The following LIFR variants were observed in gnomAD, a reference collection of about 807,000 sequenced individuals.
LIFR encodes leukemia inhibitory factor receptor.
LIFR carries 84 observed loss-of-function variants against 122.2 expected under a neutral mutation model. The ratio of observed to expected loss-of-function variants is 0.69; its 90% CI spans 0.58 to 0.82. The LOEUF (loss-of-function observed/expected upper bound fraction) is 0.82, where lower values mean the gene tolerates loss of function less well. Among genes scored for constraint, LIFR ranks in the 40% least tolerant of loss-of-function variants. The probability of loss-of-function intolerance (pLI) is 0.00; values close to 1 mark genes in which losing one functional copy is unlikely to be tolerated. For synonymous variants in LIFR, 422 were observed against 434.7 expected (o/e 0.97, Z 0.36); for missense variants, 1,294 against 1,311.6 (o/e 0.99, Z 0.21).
intron 2 of LIFR, among the ~76,000 whole-genome samples, chr5:38,603,144 C>G (rs984638956): frequency 6.6e-6 from 1 of 152,182 alleles, no homozygotes; most frequent in Non-Finnish European, 1.5e-5. Context: ...AAACACTGCA[C>G]TTGTTCTCCA....
At chr5:38,510,810 C>T in intron 6 of LIFR, 92 bp from the exon 7 acceptor site, 24 of 1,073,214 alleles carry the variant, frequency 2.2e-5, no homozygotes, top group Non-Finnish European at 3.3e-5. Flanking sequence ...CATAAGATGA[C>T]TTTTAAAATA....
intron 1 of LIFR, among the ~76,000 whole-genome samples, chr5:38,571,448 A>T (rs909380898): frequency 2.0e-5 from 3 of 149,960 alleles, no homozygotes; most frequent in Admixed American, 1.3e-4. Flanking sequence ...CCAGCTACTT[A>T]AGAGGCTGGG....
rs898958328 is a variant in LIFR, at chr5:38,483,457, C to T, written c.2592-790G>A. Among the ~76,000 whole-genome samples, 19 of 151,890 alleles carry T rather than the reference C, an allele frequency of 1.3e-4. 1 individual carries two copies. The highest frequency in any genetic ancestry group is 4.6e-4 in the African/African-American group (19 of 41,394). On this transcript the variant is annotated intron_variant, in intron 18 of 19. Transcript: ENST00000453190. ...GGTTTTTTTGAGACAGAGTCTTGCA[C>T]TGTTGCTAGGGTGGGGTGCAGTGGT...
At chr5:38,555,834 C>A (rs1385450897) in intron 1 of LIFR, among the ~76,000 whole-genome samples, 2 of 152,184 alleles carry the variant, frequency 1.3e-5, no homozygotes, top group African/African-American at 4.8e-5. Flanking sequence ...CACAACATAA[C>A]AGAAATGGCA....
chr5:38,526,583 T>C (rs1030005762), intron 4 of LIFR, among the ~76,000 whole-genome samples: 1 of 152,166 alleles, frequency 6.6e-6, no homozygotes, highest in Non-Finnish European at 1.5e-5. Flanking sequence ...TATACATGCA[T>C]TGCAGAGCTT....
rs1561128322 is a variant in LIFR, at chr5:38,482,229, AT to A, written c.2671-12del. ...AAGAGCACTGCTTCCCTAGAAATAA[AT>A]TTAAACACAGTGATTAAAAATAGCA... On this transcript the variant is annotated splice_polypyrimidine_tract_variant and intron_variant, in intron 19 of 19. Coordinates refer to ENST00000453190, the MANE Select transcript of LIFR (RefSeq NM_001127671.2). The A allele has an allele frequency of 6.2e-7, 1 of 1,601,966 alleles. No homozygotes were observed. Among genetic ancestry groups the A allele is most frequent in the Non-Finnish European group, 8.5e-7 (1 of 1,176,890 alleles).
At chr5:38,598,847 A>G (rs1750172172), upstream of LIFR, among the ~76,000 whole-genome samples, 2 of 152,226 alleles carry the variant, frequency 1.3e-5, no homozygotes, top group African/African-American at 4.8e-5. Flanking sequence ...GCAGGCTTCT[A>G]TGCCTAGCAC....
At chr5:38,585,176 G>T (rs1190510822) in intron 1 of LIFR, among the ~76,000 whole-genome samples, 4 of 152,126 alleles carry the variant, frequency 2.6e-5, no homozygotes, top group Non-Finnish European at 5.9e-5. Context: ...AATTTAAGTT[G>T]CGTGCTTTAG....
chr5:38,543,648 T>C lies in LIFR; in HGVS notation c.-20+12686A>G, dbSNP rs1313826780. ...AAGGTGTGTTCACTAAATGCACTTA[T>C]AATTTAAATGAAATAACCTGAATGT... is the stretch of plus-strand genomic sequence containing the variant. On this transcript the variant is annotated intron_variant, in intron 1 of 19. Coordinates refer to ENST00000453190, the MANE Select transcript of LIFR (RefSeq NM_001127671.2). Among the ~76,000 whole-genome samples, 5 of 152,358 alleles carry C rather than the reference T, an allele frequency of 3.3e-5. No homozygotes were observed. In the East Asian group the frequency reaches 7.7e-4, roughly 23 times the overall value.
At chr5:38,490,468 A>G (rs1232581962) in intron 14 of LIFR, among the ~76,000 whole-genome samples, 177 bp from the exon 15 acceptor site, 1 of 152,220 alleles carries the variant, frequency 6.6e-6, no homozygotes, top group African/African-American at 2.4e-5. Flanking sequence ...AAAATTGACT[A>G]AACAAAAATT....
intron 2 of LIFR, among the ~76,000 whole-genome samples, chr5:38,600,942 G>T (rs531709923): frequency 6.6e-6 from 1 of 152,150 alleles, no homozygotes; most frequent in Admixed American, 6.5e-5. Context: ...CATTAGTCTG[G>T]TAAACTACAC....
intron 1 of LIFR, among the ~76,000 whole-genome samples, chr5:38,541,474 CT>C (rs1747589203): frequency 6.6e-6 from 1 of 152,180 alleles, no homozygotes; most frequent in Non-Finnish European, 1.5e-5. Context: ...TGAACAAAAT[CT>C]TTTCTAATAC....
chr5:38,484,540 A>T lies in LIFR; in HGVS notation c.2591+235T>A, dbSNP rs867768117. 2.0e-5 allele frequency among the ~76,000 whole-genome samples: 3 copies of T among 152,232 alleles called. No individual in the cohort carries two copies. In the South Asian group the frequency reaches 6.2e-4, roughly 32 times the overall value. ...ATTTTTTATAATAGTAACTGCTATG[A>T]CTTTAAATTATTAGGAAAAATAGTA... On this transcript the variant is annotated intron_variant, in intron 18 of 19. Transcript: ENST00000453190.
At chr5:38,538,780 T>C (rs555971564) in intron 1 of LIFR, among the ~76,000 whole-genome samples, 1 of 152,206 alleles carries the variant, frequency 6.6e-6, no homozygotes, top group African/African-American at 2.4e-5. Context: ...CCATAGTGAG[T>C]TGCAAAGCTT....
At chr5:38,581,418 C>A (rs1223805727) in intron 1 of LIFR, among the ~76,000 whole-genome samples, 1 of 152,214 alleles carries the variant, frequency 6.6e-6, no homozygotes, top group African/African-American at 2.4e-5. Context: ...TCTCACCATT[C>A]CGCAACCACT....
At chr5:38,488,409 C>T (rs532411321) in intron 16 of LIFR, among the ~76,000 whole-genome samples, 12 of 152,272 alleles carry the variant, frequency 7.9e-5, no homozygotes, top group Admixed American at 4.6e-4. Context: ...GACATGAAAG[C>T]TCTCAAACTG....
At chr5:38,499,399 T>C (rs1745057083) in intron 12 of LIFR, 114 bp downstream of exon 12, 2 of 751,974 alleles carry the variant, frequency 2.7e-6, no homozygotes, top group East Asian at 2.6e-5. Context: ...CTCACCAATA[T>C]TGCAACAAAA....
chr5:38,594,409 G>A (rs774794891), intron 1 of LIFR, among the ~76,000 whole-genome samples: 42 of 152,092 alleles, frequency 2.8e-4, no homozygotes, highest in Non-Finnish European at 2.8e-4. Flanking sequence ...TGCACAACAC[G>A]AAGAGTATAC....
At chr5:38,573,583 G>A (rs1293893161) in intron 1 of LIFR, among the ~76,000 whole-genome samples, 4 of 152,152 alleles carry the variant, frequency 2.6e-5, no homozygotes, top group African/African-American at 9.7e-5. Context: ...TTGCCAGCGT[G>A]TTGACCTTGT....
Sources: allele counts gnomAD v4.1 joint callset (sites outside exome capture counted in the v4.1 genomes callset), GRCh38; gene constraint gnomAD v4.1.1; transcripts MANE v1.5; gene names NCBI Gene and HGNC (gene_info 2026-07-23, HGNC 2026-07-21).